The following VPS13B variants were observed in gnomAD, a reference collection of about 807,000 sequenced individuals.
VPS13B encodes intermembrane lipid transfer protein VPS13B.
In VPS13B, 285 loss-of-function variants were observed where a neutral mutation model predicts 426.4. The observed-to-expected ratio is 0.67, with a 90% CI of 0.61 to 0.74. VPS13B has a LOEUF of 0.74. Among genes scored for constraint, VPS13B ranks in the 30% least tolerant of loss-of-function variants. The probability of loss-of-function intolerance (pLI) is 0.00; values close to 1 mark genes in which losing one functional copy is unlikely to be tolerated. For missense variants in VPS13B, 4,537 were observed against 4,782.6 expected, an observed-to-expected ratio of 0.95 and a Z score of 1.51; for synonymous variants, 1,676 against 1,676.4, an observed-to-expected ratio of 1.00 and a Z score of 0.01.
intron 37 of VPS13B, among the ~76,000 whole-genome samples, 188 bp downstream of exon 37, chr8:99,717,561 A>G (rs1266891159): frequency 2.0e-5 from 3 of 152,222 alleles, no homozygotes; most frequent in Non-Finnish European, 4.4e-5. Flanking sequence ...TATTTCAAGT[A>G]TACAATTCAG....
At chr8:99,439,777 G>A (rs1817588862) in intron 22 of VPS13B, among the ~76,000 whole-genome samples, 1 of 152,014 alleles carries the variant, frequency 6.6e-6, no homozygotes, top group Non-Finnish European at 1.5e-5. Flanking sequence ...AGATTAATGG[G>A]TAAATAAAAC....
chr8:99,230,175 GT>G (rs996907644), intron 17 of VPS13B, among the ~76,000 whole-genome samples: 1 of 151,602 alleles, frequency 6.6e-6, no homozygotes, highest in African/African-American at 2.4e-5. Flanking sequence ...ACATGTTGGG[GT>G]TTTTTTTGCC....
intron 19 of VPS13B, among the ~76,000 whole-genome samples, chr8:99,361,300 C>A (rs564637380): frequency 6.6e-6 from 1 of 152,246 alleles, no homozygotes; most frequent in South Asian, 2.1e-4. Context: ...AGAAACCATA[C>A]CTTGTCAAAT....
chr8:99,167,913 A>G (rs937152912), intron 15 of VPS13B, among the ~76,000 whole-genome samples: 1 of 152,144 alleles, frequency 6.6e-6, no homozygotes, highest in Non-Finnish European at 1.5e-5. Flanking sequence ...TATGTGAGCT[A>G]TCCTTCATGA....
At chr8:99,457,096 A>G (rs1818508465) in intron 23 of VPS13B, among the ~76,000 whole-genome samples, 1 of 144,202 alleles carries the variant, frequency 6.9e-6, no homozygotes, top group Non-Finnish European at 1.5e-5. Flanking sequence ...CAGTGGTGTG[A>G]TTTCAGCTCA....
intron 17 of VPS13B, among the ~76,000 whole-genome samples, chr8:99,227,486 C>CT (rs1297265365): frequency 6.6e-6 from 1 of 152,162 alleles, no homozygotes; most frequent in African/African-American, 2.4e-5. Flanking sequence ...GAAAAACTGC[C>CT]TTTTTCCATA....
intron 17 of VPS13B, among the ~76,000 whole-genome samples, chr8:99,242,678 T>C (rs1296950225): frequency 6.6e-6 from 1 of 152,222 alleles, no homozygotes; most frequent in Non-Finnish European, 1.5e-5. Flanking sequence ...ATTCTTCTGA[T>C]ATTAGTGTAA....
At chr8:99,617,638 T>G (rs185896284) in intron 33 of VPS13B, among the ~76,000 whole-genome samples, 4 of 152,318 alleles carry the variant, frequency 2.6e-5, no homozygotes, top group African/African-American at 9.6e-5. Flanking sequence ...TTTTTGTTTT[T>G]CTGTTGTTTG....
At chr8:99,776,988 C>A in intron 41 of VPS13B, 32 bp downstream of exon 41, 1 of 1,589,940 alleles carries the variant, frequency 6.3e-7, no homozygotes, top group South Asian at 1.1e-5. Flanking sequence ...GAATAACATC[C>A]ATTTAATACT....
chr8:99,531,076 G>A lies in VPS13B; in HGVS notation c.4745+10066G>A, dbSNP rs117000293. On this transcript the variant is annotated intron_variant, in intron 30 of 61. Transcript: ENST00000357162. Reference sequence around the variant, plus strand: ...AAAAAACTAGTAAGTACCATTTGTAGTGCATTCTCCTTGTGTTCCTTAAAA... The same window carrying A: ...AAAAAACTAGTAAGTACCATTTGTAATGCATTCTCCTTGTGTTCCTTAAAA... Among the ~76,000 whole-genome samples the A allele has an allele frequency of 3.7e-4, 57 of 152,244 alleles. 2 individuals carry two copies. In the East Asian group the frequency reaches 8.5e-3, roughly 23 times the overall value.
chr8:99,281,004 C>T (rs1819142902), intron 19 of VPS13B, among the ~76,000 whole-genome samples: 1 of 152,154 alleles, frequency 6.6e-6, no homozygotes. Context: ...TGGTCCTCAA[C>T]TGTTTTGGCG....
intron 33 of VPS13B, among the ~76,000 whole-genome samples, chr8:99,638,601 G>T (rs951105509): frequency 3.9e-5 from 6 of 152,184 alleles, no homozygotes; most frequent in Non-Finnish European, 8.8e-5. Flanking sequence ...TACTGTGTTT[G>T]TTCAATATGT....
chr8:99,811,419 G>A (rs1365634475), intron 44 of VPS13B, among the ~76,000 whole-genome samples: 2 of 152,114 alleles, frequency 1.3e-5, no homozygotes, highest in East Asian at 3.9e-4. Context: ...TCAAATTTGA[G>A]TATGCATCAG....
In VPS13B at chr8:99,253,715, G is replaced by A. The variant is rs559670652; in HGVS notation, c.2516-20483G>A. Among the ~76,000 whole-genome samples the A allele has an allele frequency of 2.6e-5, 4 of 152,064 alleles. No individual in the cohort carries two copies. The South Asian group carries it at 6.2e-4, about 24-fold the overall frequency. ...GTCTTTTAATTGATATATTGTGAGA[G>A]CATTTATATTAAATGCAATAATTGA... On this transcript the variant is annotated intron_variant, in intron 17 of 61. Transcript: ENST00000357162.
At chr8:99,162,842 G>C (rs959420341) in intron 15 of VPS13B, among the ~76,000 whole-genome samples, 1 of 152,100 alleles carries the variant, frequency 6.6e-6, no homozygotes, top group Non-Finnish European at 1.5e-5. Flanking sequence ...ATGCTGGCTC[G>C]GGCAGCCTGC....
intron 34 of VPS13B, among the ~76,000 whole-genome samples, chr8:99,647,085 T>C (rs1348087610): frequency 6.6e-6 from 1 of 152,156 alleles, no homozygotes; most frequent in African/African-American, 2.4e-5. Flanking sequence ...TATAGAGATA[T>C]TGGCTTTCTG....
At chr8:99,014,337 C>T (rs1340080381) in intron 2 of VPS13B, among the ~76,000 whole-genome samples, 1 of 151,530 alleles carries the variant, frequency 6.6e-6, no homozygotes, top group Non-Finnish European at 1.5e-5. Flanking sequence ...AGGCTGGTCT[C>T]GAACTCCTGA....
chr8:99,696,869 G>C, intron 35 of VPS13B: 1 of 842,828 alleles, frequency 1.2e-6, no homozygotes, highest in Non-Finnish European at 2.1e-6. Context: ...GCAGTCCATC[G>C]GCATCAACAA....
chr8:99,688,133 C>CT (rs1307921649), intron 35 of VPS13B, among the ~76,000 whole-genome samples: 10,573 of 113,046 alleles, frequency 0.094, 524 homozygotes, highest in Non-Finnish European at 0.11. Flanking sequence ...TCCTTGCTTG[C>CT]TTTTTTTTTT....
Sources: allele counts gnomAD v4.1 joint callset (sites outside exome capture counted in the v4.1 genomes callset), GRCh38; gene constraint gnomAD v4.1.1; transcripts MANE v1.5; gene names NCBI Gene and HGNC (gene_info 2026-07-23, HGNC 2026-07-21).